Variants in BMPR2 observed in about 807,000 individuals in gnomAD.
BMPR2 encodes the protein bone morphogenetic protein receptor type-2.
BMPR2 carries 29 observed loss-of-function variants against 100.8 expected under a neutral mutation model. That is an observed-to-expected ratio of 0.29 (90% CI 0.21 to 0.39). BMPR2 has a LOEUF of 0.39. BMPR2 is among the 10% of genes least tolerant of loss of function. The pLI is 1.00. For missense variants in BMPR2, 1,011 were observed against 1,274.5 expected, an observed-to-expected ratio of 0.79 and a Z score of 3.15; for synonymous variants, 382 against 442.3, an observed-to-expected ratio of 0.86 and a Z score of 1.71.
intron 1 of BMPR2, among the ~76,000 whole-genome samples, chr2:202,387,195 A>G (rs1217224278): frequency 3.3e-5 from 5 of 152,252 alleles, no homozygotes; most frequent in African/African-American, 1.2e-4. Context: ...TAAATATTTT[A>G]GAAGAGATTA....
Position 202,485,545 on chromosome 2 carries a change from C to CTTTTTTTTTTTTTTTTTG in BMPR2, c.418+17873_418+17874insGTTTTTTTTTTTTTTTTT, listed in dbSNP as rs1692758067. ...GTCTCAAATCTCCCTTTGCCTTTAT[C>CTTTTTTTTTTTTTTTTTG]TTTTTTTTTTTTTTTTTTTGAGACA... On this transcript the variant is annotated intron_variant, in intron 3 of 12. Transcript: ENST00000374580. Among the ~76,000 whole-genome samples the CTTTTTTTTTTTTTTTTTG allele has an allele frequency of 4.7e-5, 3 of 64,010 alleles. 1 individual carries two copies. In the East Asian group the frequency reaches 2.3e-3, roughly 49 times the overall value. The allele number at this position is 64,010 out of a possible 152,430, so 42.0% of individuals were successfully genotyped here.
Position 202,377,403 on chromosome 2 carries a change from C to G in BMPR2, c.-72C>G. On this transcript the variant is annotated 5_prime_UTR_variant, in exon 1 of 13. Coordinates refer to ENST00000374580, the MANE Select transcript of BMPR2 (RefSeq NM_001204.7). ...GTCCACGGGAGAGAAGACGAGCCTC[C>G]CGGCTGTTTCTCCGCCGGTCTACTT... 1.4e-6 allele frequency: 2 copies of G among 1,462,526 alleles called. No individual in the cohort carries two copies. Among genetic ancestry groups the G allele is most frequent in the Non-Finnish European group, 1.9e-6 (2 of 1,041,828 alleles). The allele number at this position is 1,462,526 out of a possible 1,614,324, so 90.6% of individuals were successfully genotyped here.
chr2:202,441,878 C>A (rs1691754806), intron 1 of BMPR2, among the ~76,000 whole-genome samples: 1 of 149,608 alleles, frequency 6.7e-6, no homozygotes, highest in African/African-American at 2.5e-5. Context: ...ACCAAAAATA[C>A]AAAAATTATC....
intron 1 of BMPR2, among the ~76,000 whole-genome samples, chr2:202,463,727 T>C (rs1692266070): frequency 6.6e-6 from 1 of 152,228 alleles, no homozygotes; most frequent in Admixed American, 6.5e-5. Flanking sequence ...ATGTGGCAAA[T>C]GTTCTACAAA....
intron 1 of BMPR2, among the ~76,000 whole-genome samples, chr2:202,384,558 TTCTTTCTTTC>T (rs1690381464): frequency 1.4e-4 from 1 of 7,028 alleles, no homozygotes; most frequent in Non-Finnish European, 3.6e-4. Context: ...CTTTCTTTCT[TTCTTTCTTTC>T]TTTTTCTTTC....
intron 3 of BMPR2, among the ~76,000 whole-genome samples, chr2:202,478,512 G>C (rs1437128253): frequency 6.6e-6 from 1 of 152,166 alleles, no homozygotes; most frequent in East Asian, 1.9e-4. Context: ...AGTCCCAACT[G>C]TTTGGAAGGC....
At chr2:202,550,723 G>C (rs1388041504) in intron 10 of BMPR2, among the ~76,000 whole-genome samples, 1 of 151,954 alleles carries the variant, frequency 6.6e-6, no homozygotes, top group Non-Finnish European at 1.5e-5. Context: ...GGATTGCTTA[G>C]GTCCAGGAGT....
Position 202,503,201 on chromosome 2 carries a change from G to A in BMPR2, c.419-10518G>A, listed in dbSNP as rs901792499. Reference sequence around the variant, plus strand: ...TTTGGGGTGTCCTGTTTAGAGGGGGGATTGAGAGGTAACAGCGTGCTGGCA... The same window carrying A: ...TTTGGGGTGTCCTGTTTAGAGGGGGAATTGAGAGGTAACAGCGTGCTGGCA... On this transcript the variant is annotated intron_variant, in intron 3 of 12. Transcript: ENST00000374580. The surrounding 1 kb of genome is among the most constrained non-coding windows in gnomAD (Gnocchi z 4.0). Among the ~76,000 whole-genome samples the A allele has an allele frequency of 1.3e-5, 2 of 152,226 alleles. No individual in the cohort carries two copies. The highest frequency in any genetic ancestry group is 2.9e-5 in the Non-Finnish European group (2 of 68,044).
intron 11 of BMPR2, among the ~76,000 whole-genome samples, chr2:202,554,956 A>G (rs1688536681): frequency 6.6e-6 from 1 of 152,210 alleles, no homozygotes. Context: ...TCATGATGTT[A>G]TAAAACTATA....
At chr2:202,404,195 T>TG (rs1249633159) in intron 1 of BMPR2, among the ~76,000 whole-genome samples, 5 of 105,836 alleles carry the variant, frequency 4.7e-5, no homozygotes, top group African/African-American at 1.8e-4. Context: ...CTTTGGGTTG[T>TG]TTTTTTTTTT....
At chr2:202,456,908 C>G (rs1692120276) in intron 1 of BMPR2, among the ~76,000 whole-genome samples, 1 of 152,090 alleles carries the variant, frequency 6.6e-6, no homozygotes. Context: ...GTATACATGG[C>G]TTCATATGTG....
In BMPR2 at chr2:202,418,550, A is replaced by G. The variant is rs564950565; in HGVS notation, c.76+41000A>G. Among the ~76,000 whole-genome samples, 7 of 152,288 alleles carry G rather than the reference A, an allele frequency of 4.6e-5. No homozygotes were observed. In the South Asian group the frequency reaches 1.5e-3, roughly 32 times the overall value. ...CTTGGGTTACAGCTTGATTTTATAC[A>G]TTTTAGGGTGGCAGAAGTTATAGAT... On this transcript the variant is annotated intron_variant, in intron 1 of 12. Transcript: ENST00000374580.
At chr2:202,512,346 A>C (rs1184738669) in intron 3 of BMPR2, among the ~76,000 whole-genome samples, 2 of 152,242 alleles carry the variant, frequency 1.3e-5, no homozygotes, top group African/African-American at 2.4e-5. Context: ...CAAACATTGC[A>C]TAACTACATC....
chr2:202,438,422 ACTTT>A (rs1691660426), intron 1 of BMPR2, among the ~76,000 whole-genome samples: 1 of 150,486 alleles, frequency 6.6e-6, no homozygotes, highest in African/African-American at 2.5e-5. Context: ...AGTTGTCTTC[ACTTT>A]CTTTATGGTG....
At chr2:202,499,594 G>A (rs1489604111) in intron 3 of BMPR2, among the ~76,000 whole-genome samples, 1 of 152,144 alleles carries the variant, frequency 6.6e-6, no homozygotes, top group African/African-American at 2.4e-5. Flanking sequence ...TCCTCGAGCG[G>A]CTACGAGAGG....
intron 11 of BMPR2, among the ~76,000 whole-genome samples, chr2:202,554,321 C>T (rs1688526927): frequency 6.6e-6 from 1 of 152,072 alleles, no homozygotes; most frequent in South Asian, 2.1e-4. Flanking sequence ...AAAAAAAAAC[C>T]TTGATGGCCC....
intron 1 of BMPR2, among the ~76,000 whole-genome samples, chr2:202,415,987 G>A (rs2105920230): frequency 6.6e-6 from 1 of 152,288 alleles, no homozygotes; most frequent in East Asian, 1.9e-4. Context: ...CTGAATCTGA[G>A]CAAAGTAAAT....
At chr2:202,470,594 T>C (rs564657770) in intron 3 of BMPR2, among the ~76,000 whole-genome samples, 1 of 151,188 alleles carries the variant, frequency 6.6e-6, no homozygotes, top group Admixed American at 6.6e-5. Flanking sequence ...ACCCCGTCTC[T>C]ACTAAAAATA....
At position 202,437,925 on chromosome 2, in the gene BMPR2, A is replaced by T. The variant is rs532904490; in HGVS notation, c.77-26884A>T. Among the ~76,000 whole-genome samples, 137 of 150,686 alleles carry T rather than the reference A, an allele frequency of 9.1e-4. 17 individuals carry two copies. The highest frequency in any genetic ancestry group is 3.2e-3 in the African/African-American group (128 of 40,016). On this transcript the variant is annotated intron_variant, in intron 1 of 12. Coordinates refer to ENST00000374580, the MANE Select transcript of BMPR2 (RefSeq NM_001204.7). ...TATTGTGAATAATGCCATTATGAGT[A>T]TTAACGTACAAATTTTTTTTTGTGG...
Sources: gnomAD v4.1 joint callset for allele counts (sites outside exome capture counted in the v4.1 genomes callset) on GRCh38, gnomAD v4.1.1 for gene constraint, Gnocchi (gnomAD v3.1) non-coding constraint, MANE v1.5 for transcripts, NCBI Gene and HGNC (gene_info 2026-07-23, HGNC 2026-07-21) for gene names.